The following DPP6 variants were observed in gnomAD, a reference collection of about 807,000 sequenced individuals.
DPP6 encodes A-type potassium channel modulatory protein DPP6.
A neutral mutation model predicts 122.6 loss-of-function variants in DPP6; 69 were observed. The observed-to-expected ratio is 0.56, with a 90% CI of 0.46 to 0.69. DPP6 has a LOEUF of 0.69. Ranked by LOEUF, DPP6 falls within the 30% of genes least tolerant of loss-of-function variation. The pLI is 0.00. For synonymous variants in DPP6, 418 were observed against 433.1 expected (o/e 0.97, Z 0.43); for missense variants, 928 against 1,116.9 (o/e 0.83, Z 2.41).
intron 8 of DPP6, among the ~76,000 whole-genome samples, chr7:154,730,388 G>A (rs936498196): frequency 5.9e-5 from 9 of 152,198 alleles, no homozygotes; most frequent in African/African-American, 2.2e-4. Context: ...ACATGCTCAT[G>A]TGTACATGGG....
the DPP6 span, among the ~76,000 whole-genome samples, chr7:153,878,057 C>T: frequency 6.6e-6 from 1 of 151,958 alleles, no homozygotes; most frequent in Non-Finnish European, 1.5e-5. Flanking sequence ...TGCAAGATAC[C>T]CGTATACCGT....
chr7:154,709,214 G>C (rs1374422840), intron 7 of DPP6, among the ~76,000 whole-genome samples: 3 of 152,130 alleles, frequency 2.0e-5, no homozygotes, highest in Non-Finnish European at 4.4e-5. Context: ...TGTATGTTTT[G>C]TAGAGACAGG....
At chr7:154,458,432 A>G (rs989092057) in intron 2 of DPP6, among the ~76,000 whole-genome samples, 2 of 152,108 alleles carry the variant, frequency 1.3e-5, no homozygotes, top group African/African-American at 4.8e-5. Flanking sequence ...CTTTTTCTTT[A>G]TAAATTACCC....
chr7:154,786,966 A>G (rs1327066321), intron 10 of DPP6, among the ~76,000 whole-genome samples: 6 of 152,168 alleles, frequency 3.9e-5, no homozygotes, highest in Non-Finnish European at 8.8e-5. Context: ...AGCCTGACTC[A>G]TCCCTCATGA....
chr7:154,768,746 C>T (rs1337510063), intron 8 of DPP6, among the ~76,000 whole-genome samples: 3 of 152,126 alleles, frequency 2.0e-5, no homozygotes, highest in Admixed American at 1.3e-4. Context: ...TGGTTGAAGC[C>T]CAAAAGAATC....
chr7:154,218,087 C>T (rs1228077130), intron 1 of DPP6, among the ~76,000 whole-genome samples: 2 of 152,218 alleles, frequency 1.3e-5, no homozygotes, highest in African/African-American at 4.8e-5. Context: ...CATTTAAAAT[C>T]CATCCACCAT....
chr7:153,866,236 C>A, the DPP6 span, among the ~76,000 whole-genome samples: 1 of 152,266 alleles, frequency 6.6e-6, no homozygotes, highest in Admixed American at 6.5e-5. Flanking sequence ...ACACTGACTT[C>A]CACAATGGTT....
chr7:154,606,518 G>C lies in DPP6; in HGVS notation c.628-31303G>C, dbSNP rs543707384. Among the ~76,000 whole-genome samples, 10 of 119,656 alleles carry C rather than the reference G, an allele frequency of 8.4e-5. 2 individuals are homozygous for C. Among genetic ancestry groups the C allele is most frequent in the Non-Finnish European group, 1.7e-4 (9 of 53,254 alleles). 78.5% of individuals were successfully genotyped at this position (119,656 alleles called of 152,430 possible). A position where few individuals can be genotyped will look rare whatever the true frequency, so the allele number is the denominator to read the frequency against. On this transcript the variant is annotated intron_variant, in intron 5 of 25. Coordinates refer to ENST00000377770, the MANE Select transcript of DPP6 (RefSeq NM_130797.4). Reference sequence around the variant, plus strand: ...CTAACCCTTACTTTACACCTTTCTTGGCCCTTATGATTTAATTATGTCCTT... The same window carrying C: ...CTAACCCTTACTTTACACCTTTCTTCGCCCTTATGATTTAATTATGTCCTT...
intron 2 of DPP6, among the ~76,000 whole-genome samples, chr7:154,463,284 T>G (rs1017654338): frequency 2.2e-5 from 3 of 137,948 alleles, no homozygotes; most frequent in African/African-American, 5.4e-5. Context: ...CTCGACTCAC[T>G]GCAAGCTCCG....
intron 1 of DPP6, among the ~76,000 whole-genome samples, chr7:154,086,998 T>C (rs1307890570): frequency 6.6e-6 from 1 of 152,164 alleles, no homozygotes; most frequent in Non-Finnish European, 1.5e-5. Flanking sequence ...AATGATGTGG[T>C]TCAGGGAGAC....
chr7:153,858,401 G>A, the DPP6 span, among the ~76,000 whole-genome samples: 5 of 152,330 alleles, frequency 3.3e-5, no homozygotes, highest in East Asian at 9.6e-4. Flanking sequence ...TAGTAACGGT[G>A]TAAACACTTG....
At chr7:154,575,442 G>GTGTGTGTATGTGTGTGTGGTA (rs1554590152) in intron 5 of DPP6, among the ~76,000 whole-genome samples, 32,888 of 104,040 alleles carry the variant, frequency 0.32, 6,452 homozygotes, top group African/African-American at 0.53. Context: ...TATGTGTGTG[G>GTGTGTGTATGTGTGTGTGGTA]TGTGTGTATG....
In DPP6 at chr7:154,892,836, G is replaced by A. The variant is rs1215226384; in HGVS notation, c.*356G>A. ...CCGGCCCCTAGATTCCAGCCACCAA[G>A]CGGAAGCATGAGACCCGCCCACACT... On this transcript the variant is annotated 3_prime_UTR_variant, in exon 26 of 26. Coordinates refer to ENST00000377770, the MANE Select transcript of DPP6 (RefSeq NM_130797.4). The A allele has an allele frequency of 1.8e-6, 1 of 548,572 alleles. No homozygotes were observed. The highest frequency in any genetic ancestry group is 3.6e-6 in the Non-Finnish European group (1 of 279,960). 34.0% of individuals were successfully genotyped at this position (548,572 alleles called of 1,614,324 possible).
At chr7:154,871,388 C>T (rs367797903) in intron 18 of DPP6, among the ~76,000 whole-genome samples, 9 of 152,352 alleles carry the variant, frequency 5.9e-5, no homozygotes, top group East Asian at 1.9e-4. Flanking sequence ...CCTTAGGGAT[C>T]GCAGGAAATC....
intron 1 of DPP6, among the ~76,000 whole-genome samples, chr7:154,354,847 T>C (rs1009606481): frequency 2.0e-5 from 3 of 152,260 alleles, no homozygotes. Flanking sequence ...GGCACTCTTG[T>C]ATGTTCAGTG....
chr7:154,296,749 T>G (rs1222123115), intron 1 of DPP6, among the ~76,000 whole-genome samples: 1 of 152,256 alleles, frequency 6.6e-6, no homozygotes, highest in Non-Finnish European at 1.5e-5. Context: ...GAGTACTAAC[T>G]GTAAGTGATA....
At chr7:153,863,049 CATT>C in the DPP6 span, among the ~76,000 whole-genome samples, 1 of 152,156 alleles carries the variant, frequency 6.6e-6, no homozygotes, top group Admixed American at 6.5e-5. Flanking sequence ...CTATCTTAAA[CATT>C]TTATTTCTAC....
chr7:154,884,456 C>CACAT (rs1805906262), intron 21 of DPP6: 1 of 101,754 alleles, frequency 9.8e-6, no homozygotes, highest in Non-Finnish European at 2.1e-5. Flanking sequence ...TGCTCACATA[C>CACAT]ACACGAGTAC....
At chr7:154,494,365 T>C (rs1479488272) in intron 3 of DPP6, among the ~76,000 whole-genome samples, 1 of 148,740 alleles carries the variant, frequency 6.7e-6, no homozygotes. Flanking sequence ...CAAAAAAATA[T>C]ATATTATACA....
Sources: allele counts gnomAD v4.1 joint callset (sites outside exome capture counted in the v4.1 genomes callset), GRCh38; gene constraint gnomAD v4.1.1; transcripts MANE v1.5; gene names NCBI Gene and HGNC (gene_info 2026-07-23, HGNC 2026-07-21).